The following MICALL2 variants were observed in gnomAD, a reference collection of about 807,000 sequenced individuals.
MICALL2 encodes MICAL-like protein 2.
Under a neutral mutation model 91.1 loss-of-function variants are expected in MICALL2, and 111 were observed. The ratio of observed to expected loss-of-function variants is 1.22; its 90% CI spans 1.04 to 1.43. MICALL2 has a LOEUF of 1.43. Among genes scored for constraint, MICALL2 ranks in the 40% most tolerant of loss-of-function variants. MICALL2 has a pLI of 0.00. For missense variants in MICALL2, 1,556 were observed against 1,236.0 expected (o/e 1.26, Z -3.88); for synonymous variants, 694 against 525.3 (o/e 1.32, Z -4.39).
In MICALL2 at chr7:1,437,131, C is replaced by A. The variant is rs762032788; in HGVS notation, c.2477-275G>T. On this transcript the variant is annotated intron_variant, in intron 14 of 16. Transcript: ENST00000297508. The stretch of plus-strand genomic sequence containing the variant: ...GAGGCTCAGGGCGTCGCTGTCCCTG[C>A]AGCACAGCAAGGAAAGGGCAGAGGC... 11 of 481,094 alleles carry A rather than the reference C, an allele frequency of 2.3e-5. No individual in the cohort carries two copies. The Middle Eastern group carries it at 1.6e-3, about 68-fold the overall frequency. The allele number at this position is 481,094 out of a possible 1,614,324, so 29.8% of individuals were successfully genotyped here.
chr7:1,434,989 C>T (rs868022991), intron 16 of MICALL2, 112 bp downstream of exon 16: 35 of 253,730 alleles, frequency 1.4e-4, no homozygotes, highest in African/African-American at 7.7e-4. Context: ...ATACCCGCCC[C>T]CCCCCCACCC....
In MICALL2 at chr7:1,452,113, C is replaced by A. The variant is rs986530405; in HGVS notation, c.144-1825G>T. On this transcript the variant is annotated intron_variant, in intron 1 of 16. Transcript: ENST00000297508. The surrounding 1 kb of genome is among the most constrained non-coding windows in gnomAD (Gnocchi z 6.2). ...ACCCTCCACCGTTTCCAGCTTGGAC[C>A]CCCTCCCAGGTAACAGGTTTCAGAC... 6.6e-6 allele frequency among the ~76,000 whole-genome samples: 1 copy of A among 152,152 alleles called. No homozygotes were observed. The highest frequency in any genetic ancestry group is 1.5e-5 in the Non-Finnish European group (1 of 68,018).
chr7:1,443,199 C>T (rs1418625396), intron 6 of MICALL2, among the ~76,000 whole-genome samples: 1 of 151,130 alleles, frequency 6.6e-6, no homozygotes, highest in East Asian at 1.9e-4. Flanking sequence ...ATGCCCCCCG[C>T]CCCACCACCT....
chr7:1,445,669 A>C (rs1252260843), intron 5 of MICALL2, among the ~76,000 whole-genome samples: 1 of 152,204 alleles, frequency 6.6e-6, no homozygotes, highest in African/African-American at 2.4e-5. Flanking sequence ...TTAACCACTT[A>C]CATCACAAAC....
intron 15 of MICALL2, 80 bp from the exon 16 acceptor site, chr7:1,435,227 G>C (rs1358316324): frequency 6.8e-7 from 1 of 1,466,358 alleles, no homozygotes; most frequent in Non-Finnish European, 9.5e-7. Context: ...GTCTCCAGCA[G>C]TGGCACCCCA....
At chr7:1,440,431 GCCC>G (rs945322420) in intron 8 of MICALL2, 157 bp downstream of exon 8, 50 of 694,390 alleles carry the variant, frequency 7.2e-5, no homozygotes, top group Middle Eastern at 4.8e-4. Context: ...AGGGACAGCG[GCCC>G]CCATGTCCCT....
At chr7:1,440,728 G>T in intron 7 of MICALL2, 44 bp from the exon 8 acceptor site, 1 of 1,525,396 alleles carries the variant, frequency 6.6e-7, no homozygotes. Flanking sequence ...AGGAGTGCTG[G>T]GAATGGGGTG....
rs890824908 is a variant in MICALL2, at chr7:1,437,667, G to A, written c.2403-59C>T. ...TGCCGCCCTGTCCCCCGCCTGGCCC[G>A]CCCAGCCCGCAACGAGGTCCTGGAC... is the stretch of plus-strand genomic sequence containing the variant. On this transcript the variant is annotated intron_variant, in intron 13 of 16. Transcript: ENST00000297508. 832 of 1,489,102 alleles carry A rather than the reference G, an allele frequency of 5.6e-4. 2 individuals are homozygous for A. Among genetic ancestry groups the A allele is most frequent in the Non-Finnish European group, 7.1e-4 (790 of 1,106,260 alleles). The allele number at this position is 1,489,102 out of a possible 1,614,324, so 92.2% of individuals were successfully genotyped here.
chr7:1,444,988 T>G lies in MICALL2; in HGVS notation c.1082A>C (p.His361Pro). ...TGGGGCACTCGGGGGCACGGCGGGATGGGAGGCAGCCGCTGCTGTGCACGG... is the reference window on the plus strand; with the variant it reads ...TGGGGCACTCGGGGGCACGGCGGGAGGGGAGGCAGCCGCTGCTGTGCACGG... ...AAPCTAAAAS[H>P]PAVPPSAPDP... is the part of the protein sequence containing the mutation. The change falls in exon 6 of 17, where the codon CAT (histidine) becomes CCT (proline). Residue 361 changes from histidine to proline, a missense_variant. Physicochemically the swap from His to Pro is moderately conservative, Grantham distance 77. Coordinates refer to ENST00000297508, the MANE Select transcript of MICALL2 (RefSeq NM_182924.4). The G allele has an allele frequency of 6.6e-7, 1 of 1,507,612 alleles. No homozygotes were observed. The highest frequency in any genetic ancestry group is 1.3e-5 in the South Asian group (1 of 77,608). The allele number at this position is 1,507,612 out of a possible 1,614,324, so 93.4% of individuals were successfully genotyped here.
chr7:1,453,335 C>G (rs943532176), intron 1 of MICALL2, among the ~76,000 whole-genome samples: 4 of 152,118 alleles, frequency 2.6e-5, no homozygotes, highest in African/African-American at 9.7e-5. Context: ...AATGTGGATG[C>G]AGATACAAAC....
At position 1,438,917 on chromosome 7, in the gene MICALL2, G is replaced by A. The variant is rs114016178; in HGVS notation, c.2045C>T (p.Pro682Leu). The change falls in exon 10 of 17, where the codon CCG (proline) becomes CTG (leucine). Residue 682 changes from proline (P) to leucine (L), a missense_variant. Pro to Leu is a moderately conservative substitution (Grantham distance 98). Coordinates refer to ENST00000297508, the MANE Select transcript of MICALL2 (RefSeq NM_182924.4). Reference protein sequence around the residue: ...SLDVCDNWLRPEPPGQEARVQ... With the variant: ...SLDVCDNWLRLEPPGQEARVQ... ...TCGGGCTTCCTGGCCAGGGGGCTCC[G>A]GCCGAAGCCAGTTGTCACAAACGTC... 1.7e-4 allele frequency: 278 copies of A among 1,608,940 alleles called. No individual in the cohort carries two copies. The highest frequency in any genetic ancestry group is 1.2e-3 in the African/African-American group (91 of 75,012).
chr7:1,439,778 G>A, intron 9 of MICALL2, 147 bp downstream of exon 9: 2 of 580,608 alleles, frequency 3.4e-6, no homozygotes, highest in Non-Finnish European at 2.7e-6. Context: ...ACACAAGCCT[G>A]CCCAGGACTA....
rs774122873 is a variant in MICALL2 at position 1,436,834 on chromosome 7, C to T, written c.2499G>A (p.Glu833=). The stretch of plus-strand genomic sequence containing the variant: ...CCAGCAGCTCCTGCTCCCGCCGCCG[C>T]TCCTGCAGTGACTTCAGAGCCTCTG... ...AKPEALKSLQ[E]RRREQELLEQ... Residue 833 remains glutamate (E), a synonymous_variant, in exon 15 of 17, where the codon GAG becomes GAA. Coordinates refer to ENST00000297508, the MANE Select transcript of MICALL2 (RefSeq NM_182924.4). 1 of 1,602,810 alleles carries T rather than the reference C, an allele frequency of 6.2e-7. No individual in the cohort carries two copies. Among genetic ancestry groups the T allele is most frequent in the East Asian group, 2.3e-5 (1 of 43,948 alleles).
chr7:1,453,352 G>T (rs1406834900), intron 1 of MICALL2, among the ~76,000 whole-genome samples: 1 of 151,950 alleles, frequency 6.6e-6, no homozygotes, highest in Non-Finnish European at 1.5e-5. Flanking sequence ...AAACTGACAG[G>T]GGAAGAGGAT....
At chr7:1,458,522 G>T (rs1054325065) in intron 1 of MICALL2, among the ~76,000 whole-genome samples, 1 of 152,246 alleles carries the variant, frequency 6.6e-6, no homozygotes, top group Non-Finnish European at 1.5e-5. Flanking sequence ...GTCCAGGCTC[G>T]GGCCAAGATT....
rs958683502 is a variant in MICALL2, at chr7:1,452,044, C to T, written c.144-1756G>A. Among the ~76,000 whole-genome samples, 2 of 152,212 alleles carry T rather than the reference C, an allele frequency of 1.3e-5. No individual in the cohort carries two copies. The highest frequency in any genetic ancestry group is 4.8e-5 in the African/African-American group (2 of 41,458). On this transcript the variant is annotated intron_variant, in intron 1 of 16. Transcript: ENST00000297508. The surrounding 1 kb of genome is among the most constrained non-coding windows in gnomAD (Gnocchi z 6.2). ...CTCCTTAGGAAGCCCCCGCCCCGTCCGCCTGCAGCCCTGCCGTCCATCAAT... is the reference window on the plus strand; with the variant it reads ...CTCCTTAGGAAGCCCCCGCCCCGTCTGCCTGCAGCCCTGCCGTCCATCAAT...
rs1438752699 is a variant in MICALL2, at chr7:1,445,352, T to TGGTGCAGACGAAGGTGCCC, written c.699_717dup (p.Ser240GlyfsTer91). On this transcript the variant is annotated frameshift_variant, in exon 6 of 17. Transcript: ENST00000297508. LOFTEE classifies it high-confidence loss of function. ...GCAGAGGCGGCTGCGGGGAGGTGGCTGGTGCAGACGAAGGTGCCCGGCTCT... is the reference window on the plus strand; with the variant it reads ...GCAGAGGCGGCTGCGGGGAGGTGGCTGGTGCAGACGAAGGTGCCCGGTGCAGACGAAGGTGCCCGGCTCT... 2 of 1,599,112 alleles carry TGGTGCAGACGAAGGTGCCC rather than the reference T, an allele frequency of 1.3e-6. No individual in the cohort carries two copies. The highest frequency in any genetic ancestry group is 1.7e-6 in the Non-Finnish European group (2 of 1,176,932).
At chr7:1,439,326 G>A (rs1016602156) in intron 9 of MICALL2, 8 of 321,642 alleles carry the variant, frequency 2.5e-5, no homozygotes, top group Non-Finnish European at 4.6e-5. Flanking sequence ...ACACGAACAC[G>A]GGTGCACACG....
At position 1,452,513 on chromosome 7, in the gene MICALL2, A is replaced by G. The variant is rs1269894413; in HGVS notation, c.144-2225T>C. On this transcript the variant is annotated intron_variant, in intron 1 of 16. Transcript: ENST00000297508. This position sits in a 1 kb window ranked among gnomAD's most constrained non-coding sequence, Gnocchi z 6.2. ...TGACCAAAGCGGCCATGTCCCCGGA[A>G]AGAATGCCCGGACGGCCGGGAGGGC... 6.6e-6 allele frequency among the ~76,000 whole-genome samples: 1 copy of G among 152,198 alleles called. No homozygotes were observed. The highest frequency in any genetic ancestry group is 1.5e-5 in the Non-Finnish European group (1 of 68,030).
Sources: allele counts gnomAD v4.1 joint callset (sites outside exome capture counted in the v4.1 genomes callset), GRCh38; gene constraint gnomAD v4.1.1; non-coding constraint Gnocchi (gnomAD v3.1); transcripts MANE v1.5; gene names NCBI Gene and HGNC (gene_info 2026-07-23, HGNC 2026-07-21).